The following ANKMY1 variants were observed in gnomAD, a reference collection of about 807,000 sequenced individuals.
ANKMY1 encodes the protein ankyrin repeat and MYND domain-containing protein 1.
A neutral mutation model predicts 102.0 loss-of-function variants in ANKMY1; 98 were observed. The ratio of observed to expected loss-of-function variants is 0.96; its 90% CI spans 0.82 to 1.14. The LOEUF is 1.14. ANKMY1 is among the 50% of genes most tolerant of loss of function. The pLI is 0.00. For missense variants in ANKMY1, 1,330 were observed against 1,347.6 expected, an observed-to-expected ratio of 0.99 and a Z score of 0.20; for synonymous variants, 582 against 559.9, an observed-to-expected ratio of 1.04 and a Z score of -0.56.
downstream of ANKMY1, among the ~76,000 whole-genome samples, chr2:240,477,698 T>C (rs1397404842): frequency 1.3e-5 from 2 of 152,210 alleles, no homozygotes; most frequent in Non-Finnish European, 2.9e-5. Flanking sequence ...TTTTTATCAC[T>C]CTTGTCTTTG....
chr2:240,470,043 CGCAT>C, the ANKMY1 span, among the ~76,000 whole-genome samples: 1 of 152,230 alleles, frequency 6.6e-6, no homozygotes, highest in Non-Finnish European at 1.5e-5. Flanking sequence ...ACAGTATACA[CGCAT>C]GCACTCACAC....
chr2:240,501,718 C>T (rs747184524), intron 13 of ANKMY1, among the ~76,000 whole-genome samples: 29 of 152,222 alleles, frequency 1.9e-4, no homozygotes, highest in Non-Finnish European at 4.0e-4. Context: ...AGGCACAGTG[C>T]GGGACGGTGG....
Position 240,509,217 on chromosome 2 carries a change from A to G in ANKMY1, c.2394+131T>C, listed in dbSNP as rs1157893082. The G allele has an allele frequency of 9.0e-6, 6 of 670,290 alleles. No individual in the cohort carries two copies. In the Admixed American group the frequency reaches 9.6e-5, roughly 11 times the overall value. 41.5% of individuals were successfully genotyped at this position (670,290 alleles called of 1,614,324 possible). A position where few individuals can be genotyped will look rare whatever the true frequency, so the allele number is the denominator to read the frequency against. The stretch of plus-strand genomic sequence containing the variant: ...GATGGGTGGGTGAGTGGATGGGTGG[A>G]TGGATGAATGGATGGATGGATGGAT... On this transcript the variant is annotated intron_variant, in intron 12 of 17. Transcript: ENST00000401804.
chr2:240,511,600 C>T (rs1472508164), intron 11 of ANKMY1, among the ~76,000 whole-genome samples: 2 of 152,242 alleles, frequency 1.3e-5, no homozygotes, highest in Non-Finnish European at 2.9e-5. Context: ...CAGAGGCTCC[C>T]AAACACGTCT....
At chr2:240,517,779 C>T (rs1247307056) in intron 9 of ANKMY1, among the ~76,000 whole-genome samples, 1 of 152,028 alleles carries the variant, frequency 6.6e-6, no homozygotes, top group East Asian at 1.9e-4. Context: ...GCACTGCAGC[C>T]TAGGTGACAG....
At chr2:240,478,326 T>A (rs562041653), downstream of ANKMY1, among the ~76,000 whole-genome samples, 26 of 152,368 alleles carry the variant, frequency 1.7e-4, no homozygotes, top group Middle Eastern at 3.4e-3. Context: ...ACAGGTTCTT[T>A]CTTTTGCTTT....
At chr2:240,519,838 G>A in intron 9 of ANKMY1, 1 of 256,928 alleles carries the variant, frequency 3.9e-6, no homozygotes, top group Non-Finnish European at 8.0e-6. Context: ...TGTGGCCTCA[G>A]AGAGGGAAGA....
intron 17 of ANKMY1, 94 bp downstream of exon 17, chr2:240,480,843 G>A: frequency 2.7e-6 from 4 of 1,457,270 alleles, no homozygotes; most frequent in Non-Finnish European, 3.7e-6. Context: ...AGAGATTTTG[G>A]GAAATGAGGG....
At position 240,520,596 on chromosome 2, in the gene ANKMY1, G is replaced by A. The variant is rs1424204794; in HGVS notation, c.1833-63C>T. The stretch of plus-strand genomic sequence containing the variant: ...AGGCACCTGCACTGCGCCCAGAACG[G>A]GGCCATGCCAGCGAGGAGGCTGGGG... On this transcript the variant is annotated intron_variant, in intron 8 of 17. Transcript: ENST00000401804. This position sits in a 1 kb window ranked among gnomAD's most constrained non-coding sequence, Gnocchi z 4.8. 3 of 1,531,822 alleles carry A rather than the reference G, an allele frequency of 2.0e-6. No individual in the cohort carries two copies. The highest frequency in any genetic ancestry group is 4.2e-5 in the Admixed American group (2 of 47,362). The allele number at this position is 1,531,822 out of a possible 1,614,324, so 94.9% of individuals were successfully genotyped here.
At chr2:240,472,244 G>C in the ANKMY1 span, among the ~76,000 whole-genome samples, 2 of 124,380 alleles carry the variant, frequency 1.6e-5, no homozygotes, top group African/African-American at 5.7e-5. Flanking sequence ...CACGCGGGGA[G>C]GCAGGCCTAC....
At chr2:240,503,450 C>T (rs1056074597) in intron 13 of ANKMY1, among the ~76,000 whole-genome samples, 1 of 152,230 alleles carries the variant, frequency 6.6e-6, no homozygotes, top group Non-Finnish European at 1.5e-5. Context: ...CGTTCAAAGA[C>T]AAATGTGGAA....
intron 8 of ANKMY1, among the ~76,000 whole-genome samples, chr2:240,521,219 C>G (rs551410160): frequency 1.1e-4 from 16 of 152,180 alleles, no homozygotes; most frequent in African/African-American, 3.6e-4. Flanking sequence ...AGCCCACTGG[C>G]CCTGCAGTAG....
At chr2:240,476,393 C>T (rs1280463785), downstream of ANKMY1, among the ~76,000 whole-genome samples, 2 of 152,338 alleles carry the variant, frequency 1.3e-5, no homozygotes, top group Middle Eastern at 3.4e-3. Context: ...AAACTCTGCT[C>T]AAAAGATGCC....
chr2:240,511,981 A>C lies in ANKMY1; in HGVS notation c.2166T>G (p.Ser722Arg). ...KPGKLDLLPS[S>R]LKLSNEPGPP... ...GGCCTGGCTCATTGCTGAGCTTCAG[A>C]CTTGAGGGCAGCAGGTCCAGCTGTG... Residue 722 changes from serine to arginine, a missense_variant, in exon 11 of 18, where the codon AGT becomes AGG. Physicochemically the swap from Ser to Arg is moderately radical, Grantham distance 110. Coordinates refer to ENST00000401804, the MANE Select transcript of ANKMY1 (RefSeq NM_001282771.3). The C allele has an allele frequency of 1.3e-6, 2 of 1,559,616 alleles. No individual in the cohort carries two copies. Among genetic ancestry groups the C allele is most frequent in the African/African-American group, 1.4e-5 (1 of 70,656 alleles).
At position 240,529,273 on chromosome 2, in the gene ANKMY1, G is replaced by T; in HGVS notation, c.717C>A (p.Pro239=). The change falls in exon 5 of 18, where the codon CCC becomes CCA. Residue 239 remains proline, a synonymous_variant. Coordinates refer to ENST00000401804, the MANE Select transcript of ANKMY1 (RefSeq NM_001282771.3). The surrounding 1 kb of genome is among the most constrained non-coding windows in gnomAD (Gnocchi z 4.2). ...GAAACCGCTTATAGTCATAGAAAAA[G>T]GGATCCTGTCCCTCCTGCAGTCCCC... ...TEWGLQEGQD[P]FFYDYKRFLL... The T allele has an allele frequency of 1.2e-6, 2 of 1,614,150 alleles. No individual in the cohort carries two copies. Among genetic ancestry groups the T allele is most frequent in the Non-Finnish European group, 1.7e-6 (2 of 1,180,032 alleles).
At chr2:240,560,564 G>A, upstream of ANKMY1, 1 of 1,280,464 alleles carries the variant, frequency 7.8e-7, no homozygotes, top group Non-Finnish European at 9.9e-7. Flanking sequence ...CACCTCGGAG[G>A]CCTCTAGGAC....
In ANKMY1 at chr2:240,529,177, C is replaced by A; in HGVS notation, c.813G>T (p.Met271Ile). ...VYSTNSDHLP[M>I]TSSFRKELDA... ...CCAGCTCTTTGCGGAAAGAGCTTGTCATGGGCAGGTGGTCACTGTTGGTCG... is the reference window on the plus strand; with the variant it reads ...CCAGCTCTTTGCGGAAAGAGCTTGTAATGGGCAGGTGGTCACTGTTGGTCG... Residue 271 changes from methionine (M) to isoleucine (I), a missense_variant, in exon 5 of 18, where the codon ATG (methionine) becomes ATT (isoleucine). Physicochemically the swap from Met to Ile is conservative, Grantham distance 10 (BLOSUM62 1). Transcript: ENST00000401804. This position sits in a 1 kb window ranked among gnomAD's most constrained non-coding sequence, Gnocchi z 4.2. 6.2e-7 allele frequency: 1 copy of A among 1,614,130 alleles called. No individual in the cohort carries two copies. Among genetic ancestry groups the A allele is most frequent in the Non-Finnish European group, 8.5e-7 (1 of 1,180,028 alleles).
chr2:240,545,051 G>C (rs901725856), intron 4 of ANKMY1, among the ~76,000 whole-genome samples: 3 of 152,232 alleles, frequency 2.0e-5, no homozygotes, highest in African/African-American at 7.2e-5. Flanking sequence ...CCACCTCTGG[G>C]GGCAGGGCAC....
intron 15 of ANKMY1, among the ~76,000 whole-genome samples, chr2:240,488,392 T>A (rs1287109601): frequency 6.6e-6 from 1 of 152,154 alleles, no homozygotes; most frequent in African/African-American, 2.4e-5. Context: ...ATATTTTGAA[T>A]CCAGGTAATG....
Sources: allele counts gnomAD v4.1 joint callset (sites outside exome capture counted in the v4.1 genomes callset), GRCh38; gene constraint gnomAD v4.1.1; non-coding constraint Gnocchi (gnomAD v3.1); transcripts MANE v1.5; gene names NCBI Gene and HGNC (gene_info 2026-07-23, HGNC 2026-07-21).